Variants in MEMO1 observed in about 807,000 individuals in gnomAD.
MEMO1 encodes protein MEMO1.
In MEMO1, 6 loss-of-function variants were observed where a neutral mutation model predicts 45.2. The ratio of observed to expected loss-of-function variants is 0.13; its 90% CI spans 0.07 to 0.26. The LOEUF is 0.26. MEMO1 is among the 10% of genes least tolerant of loss of function. The pLI, the probability that MEMO1 is intolerant of heterozygous loss-of-function variation, is 1.00. For missense variants in MEMO1, 184 were observed against 370.5 expected (o/e 0.50, Z 4.13); for synonymous variants, 78 against 124.3 (o/e 0.63, Z 2.48).
At chr2:31,938,840 GCAGTGGTGCAATCT>G (rs1459762675) in intron 3 of MEMO1, among the ~76,000 whole-genome samples, 1 of 146,092 alleles carries the variant, frequency 6.8e-6, no homozygotes, top group Non-Finnish European at 1.5e-5. Flanking sequence ...AGGCTGGGGT[GCAGTGGTGCAATCT>G]CAGCTCAGTG....
intron 2 of MEMO1, among the ~76,000 whole-genome samples, chr2:31,985,202 GAT>G (rs1371765571): frequency 1.3e-5 from 2 of 152,132 alleles, no homozygotes; most frequent in African/African-American, 4.8e-5. Flanking sequence ...GAAAATAAGA[GAT>G]ATGTATTCCC....
chr2:31,947,905 T>C (rs1572773690), intron 2 of MEMO1, among the ~76,000 whole-genome samples: 1 of 152,236 alleles, frequency 6.6e-6, no homozygotes, highest in East Asian at 1.9e-4. Flanking sequence ...GCCAAATTGG[T>C]TTTCTATACT....
intron 7 of MEMO1, among the ~76,000 whole-genome samples, chr2:31,888,996 T>C (rs180729335): frequency 3.3e-5 from 5 of 152,160 alleles, no homozygotes; most frequent in African/African-American, 1.2e-4. Context: ...GTAAAATAAA[T>C]TTAAGAAAAT....
chr2:31,903,152 T>C (rs1292095267), intron 6 of MEMO1, among the ~76,000 whole-genome samples: 1 of 152,192 alleles, frequency 6.6e-6, no homozygotes, highest in Non-Finnish European at 1.5e-5. Context: ...CTGCCATTAA[T>C]TTGAACATTT....
At chr2:31,992,383 A>C (rs765270793) in intron 2 of MEMO1, among the ~76,000 whole-genome samples, 4 of 152,248 alleles carry the variant, frequency 2.6e-5, no homozygotes, top group Non-Finnish European at 5.9e-5. Context: ...TCACTATCTG[A>C]TCCTTTACAG....
rs535097085 is a variant in MEMO1, at chr2:31,920,261, C to T, written c.325+537G>A. The stretch of plus-strand genomic sequence containing the variant: ...TACTAAATAAAAACGTGACTCTGGA[C>T]GCCTATGGAAAAAAATAAATCAACC... On this transcript the variant is annotated intron_variant, in intron 5 of 9. Transcript: ENST00000404530. 3.3e-5 allele frequency among the ~76,000 whole-genome samples: 5 copies of T among 151,506 alleles called. No homozygotes were observed. The East Asian group carries it at 7.7e-4, about 23-fold the overall frequency.
At chr2:31,892,677 G>C (rs1677151604) in intron 6 of MEMO1, among the ~76,000 whole-genome samples, 1 of 152,076 alleles carries the variant, frequency 6.6e-6, no homozygotes, top group African/African-American at 2.4e-5. Context: ...TTATCCTAAT[G>C]ATCAGATACA....
At chr2:31,978,329 A>G (rs1427687016) in intron 2 of MEMO1, among the ~76,000 whole-genome samples, 3 of 152,168 alleles carry the variant, frequency 2.0e-5, no homozygotes, top group Non-Finnish European at 1.5e-5. Flanking sequence ...GGAGGTTGCA[A>G]TGAGCCCGAG....
intron 2 of MEMO1, among the ~76,000 whole-genome samples, chr2:31,994,485 C>G (rs966061650): frequency 6.6e-6 from 1 of 150,434 alleles, no homozygotes; most frequent in African/African-American, 2.4e-5. Context: ...CAAAAATTAG[C>G]CAGGCGTGGT....
At chr2:31,888,122 C>G (rs2147969107) in intron 7 of MEMO1, among the ~76,000 whole-genome samples, 1 of 152,140 alleles carries the variant, frequency 6.6e-6, no homozygotes, top group Middle Eastern at 3.4e-3. Context: ...CTTATCTAAA[C>G]TGATTTGTAA....
chr2:31,921,861 T>C (rs1682357522), intron 4 of MEMO1, among the ~76,000 whole-genome samples: 1 of 152,172 alleles, frequency 6.6e-6, no homozygotes, highest in Non-Finnish European at 1.5e-5. Flanking sequence ...TATGTGTTAT[T>C]TGCACTGTAG....
intron 5 of MEMO1, among the ~76,000 whole-genome samples, chr2:31,920,552 T>C (rs1033048619): frequency 1.6e-4 from 25 of 152,184 alleles, no homozygotes; most frequent in African/African-American, 6.0e-4. Flanking sequence ...TGAATATTAA[T>C]GTAACCACTA....
intron 4 of MEMO1, among the ~76,000 whole-genome samples, chr2:31,921,130 G>A (rs1212847797): frequency 1.3e-5 from 2 of 152,104 alleles, no homozygotes; most frequent in African/African-American, 4.8e-5. Context: ...CTTCAAAGAG[G>A]CGATTAAGTT....
At chr2:31,972,513 C>T (rs1421332655) in intron 2 of MEMO1, among the ~76,000 whole-genome samples, 3 of 152,096 alleles carry the variant, frequency 2.0e-5, no homozygotes, top group African/African-American at 4.8e-5. Context: ...GAGTTCTAGA[C>T]CAGCCTGGCC....
intron 6 of MEMO1, among the ~76,000 whole-genome samples, chr2:31,909,723 A>C (rs1177394246): frequency 6.6e-6 from 1 of 152,194 alleles, no homozygotes; most frequent in Non-Finnish European, 1.5e-5. Context: ...CCCCTATCAA[A>C]ATACCAATGA....
chr2:31,969,208 C>T (rs1227069062), intron 2 of MEMO1, among the ~76,000 whole-genome samples: 1 of 151,510 alleles, frequency 6.6e-6, no homozygotes, highest in African/African-American at 2.4e-5. Flanking sequence ...TCCAATATTT[C>T]AGCACCAAGT....
intron 3 of MEMO1, among the ~76,000 whole-genome samples, chr2:31,935,143 G>A (rs1412662609): frequency 1.3e-5 from 2 of 152,084 alleles, no homozygotes; most frequent in African/African-American, 4.8e-5. Context: ...CTAAAACAGA[G>A]AGGTTAAGAA....
At chr2:31,975,805 C>T (rs1441192794) in intron 2 of MEMO1, among the ~76,000 whole-genome samples, 2 of 152,140 alleles carry the variant, frequency 1.3e-5, no homozygotes, top group Admixed American at 6.5e-5. Flanking sequence ...TTGGACTGTA[C>T]ATACAAATCA....
At chr2:31,990,052 G>T (rs1671754729) in intron 2 of MEMO1, among the ~76,000 whole-genome samples, 1 of 152,184 alleles carries the variant, frequency 6.6e-6, no homozygotes, top group South Asian at 2.1e-4. Flanking sequence ...AGGAGGTCAA[G>T]GTTGCAATGA....
Sources: gnomAD v4.1 joint callset for allele counts (sites outside exome capture counted in the v4.1 genomes callset) on GRCh38, gnomAD v4.1.1 for gene constraint, MANE v1.5 for transcripts, NCBI Gene and HGNC (gene_info 2026-07-23, HGNC 2026-07-21) for gene names.